Variants in ZNF718 observed in about 807,000 individuals in gnomAD.
The protein encoded by ZNF718 is zinc finger protein 718.
A neutral mutation model predicts 2.6 loss-of-function variants in ZNF718; 3 were observed. That is an observed-to-expected ratio of 1.16 (90% CI 0.53 to 3.01). ZNF718 has a LOEUF of 3.01. Ranked by LOEUF, ZNF718 falls within the 30% of genes most tolerant of loss-of-function variation. The pLI is 0.03. For missense variants in ZNF718, 468 were observed against 230.0 expected (o/e 2.03, Z -6.69); for synonymous variants, 135 against 77.9 (o/e 1.73, Z -3.86).
At chr4:200,214 T>C (rs1302957373) in intron 3 of ZNF718, among the ~76,000 whole-genome samples, 1 of 152,180 alleles carries the variant, frequency 6.6e-6, no homozygotes, top group Non-Finnish European at 1.5e-5. Flanking sequence ...TACAATCGGA[T>C]ACAAAACTGG....
Position 130,837 on chromosome 4 carries a change from G to A in ZNF718, c.53G>A (p.Trp18Ter). The A allele has an allele frequency of 7.7e-6, 3 of 392,112 alleles. 1 individual carries two copies. Among genetic ancestry groups the A allele is most frequent in the Non-Finnish European group, 1.4e-5 (3 of 220,580 alleles). The allele number at this position is 392,112 out of a possible 1,614,324, so 24.3% of individuals were successfully genotyped here. A position where few individuals can be genotyped will look rare whatever the true frequency, so the allele number is the denominator to read the frequency against. The change falls in exon 2 of 4, where the codon TGG becomes TAG. Residue 18 changes from tryptophan (W) to a stop codon, truncating the protein, a stop_gained. Coordinates refer to ENST00000510175, the MANE Select transcript of ZNF718 (RefSeq NM_001039127.6). LOFTEE classifies it high-confidence loss of function. ...DVAIEFSPEE[W>*]KCLDTSQQNL... ...GCCATAGAATTCTCTCCAGAAGAGT[G>A]GAAATGTCTGGACACTTCCCAGCAG...
chr4:138,991 A>G (rs1339823674), intron 3 of ZNF718, among the ~76,000 whole-genome samples: 3 of 152,170 alleles, frequency 2.0e-5, no homozygotes, highest in Non-Finnish European at 4.4e-5. Flanking sequence ...ATTTTATCCT[A>G]TAGAGCTGTT....
At chr4:135,600 C>G (rs1715525537) in intron 3 of ZNF718, among the ~76,000 whole-genome samples, 1 of 151,722 alleles carries the variant, frequency 6.6e-6, no homozygotes, top group African/African-American at 2.4e-5. Context: ...CTAGGCAGTA[C>G]CCAGCTTGAC....
chr4:171,889 C>T (rs138217965), intron 3 of ZNF718, among the ~76,000 whole-genome samples: 100 of 152,296 alleles, frequency 6.6e-4, no homozygotes, highest in African/African-American at 2.2e-3. Flanking sequence ...GAGATGAACC[C>T]GGTACCTCAG....
rs1553819945 is a variant in ZNF718, at chr4:182,400, A to ATT, written c.227-18679_227-18678dup. 2.6e-3 allele frequency among the ~76,000 whole-genome samples: 367 copies of ATT among 139,014 alleles called. 1 individual carries two copies. The highest frequency in any genetic ancestry group is 7.2e-3 in the Middle Eastern group (2 of 278). The allele number at this position is 139,014 out of a possible 152,430, so 91.2% of individuals were successfully genotyped here. A position where few individuals can be genotyped will look rare whatever the true frequency, so the allele number is the denominator to read the frequency against. ...ATATCTCATTGTAGTTTTGATTTTG[A>ATT]TTTATATTTATTTATTTATTTATTT... On this transcript the variant is annotated intron_variant and NMD_transcript_variant, in intron 3 of 4. Transcript: ENST00000642529.
chr4:154,802 A>AT (rs782146347), intron 3 of ZNF718, among the ~76,000 whole-genome samples: 1 of 152,224 alleles, frequency 6.6e-6, no homozygotes, highest in Non-Finnish European at 1.5e-5. Context: ...CACTGCAGAA[A>AT]TTCGCATAAG....
chr4:197,360 T>C (rs1553822203), intron 3 of ZNF718, among the ~76,000 whole-genome samples: 1 of 152,078 alleles, frequency 6.6e-6, no homozygotes, highest in Non-Finnish European at 1.5e-5. Context: ...AAGACAAAGA[T>C]AACACACAAA....
intron 1 of ZNF718, among the ~76,000 whole-genome samples, chr4:126,866 C>T (rs1553808158): frequency 6.7e-6 from 1 of 149,278 alleles, no homozygotes. Flanking sequence ...TTCGCTGTGT[C>T]GCCAGGCTGG....
chr4:133,488 G>T (rs543388021), intron 3 of ZNF718, among the ~76,000 whole-genome samples: 26 of 151,998 alleles, frequency 1.7e-4, no homozygotes, highest in Non-Finnish European at 3.2e-4. Flanking sequence ...GTCTTATTTA[G>T]TAGGAAGCCT....
intron 3 of ZNF718, among the ~76,000 whole-genome samples, chr4:136,021 T>C (rs182961260): frequency 2.2e-4 from 33 of 152,250 alleles, no homozygotes; most frequent in Admixed American, 8.5e-4. Flanking sequence ...CCTTTTGTTC[T>C]GTCCTCCTGC....
intron 3 of ZNF718, among the ~76,000 whole-genome samples, chr4:137,081 C>G (rs1188707381): frequency 6.6e-6 from 1 of 152,146 alleles, no homozygotes; most frequent in Admixed American, 6.5e-5. Flanking sequence ...TGTGGCACCT[C>G]TCCTTTCACT....
chr4:197,101 A>C (rs1231574198), intron 3 of ZNF718, among the ~76,000 whole-genome samples: 5 of 138,686 alleles, frequency 3.6e-5, no homozygotes, highest in African/African-American at 1.3e-4. Context: ...CATGTACTTC[A>C]AGAAAAAAGA....
At chr4:184,817 C>A (rs1262958673) in intron 3 of ZNF718, among the ~76,000 whole-genome samples, 1 of 152,048 alleles carries the variant, frequency 6.6e-6, no homozygotes, top group Non-Finnish European at 1.5e-5. Context: ...TTATAATATT[C>A]TCTGATTGTT....
chr4:140,783 A>G (rs1218421553), intron 3 of ZNF718, among the ~76,000 whole-genome samples: 1 of 152,204 alleles, frequency 6.6e-6, no homozygotes, highest in African/African-American at 2.4e-5. Context: ...TGTTATGTCT[A>G]CCAAATTGGC....
intron 3 of ZNF718, among the ~76,000 whole-genome samples, chr4:156,150 G>T (rs1716558702): frequency 6.6e-6 from 1 of 152,004 alleles, no homozygotes. Context: ...CCCATCTTTG[G>T]GTATGTTTAT....
chr4:156,925 G>C (rs1350836202), intron 3 of ZNF718, among the ~76,000 whole-genome samples: 3 of 152,038 alleles, frequency 2.0e-5, no homozygotes, highest in Non-Finnish European at 2.9e-5. Flanking sequence ...CTCTTCATGT[G>C]ACCATGTATA....
chr4:158,271 G>A (rs1283912223), intron 3 of ZNF718, among the ~76,000 whole-genome samples: 2 of 151,904 alleles, frequency 1.3e-5, no homozygotes, highest in African/African-American at 2.4e-5. Context: ...TAGATTTTAA[G>A]TGACTTGTAG....
At chr4:139,070 G>A (rs564387345) in intron 3 of ZNF718, among the ~76,000 whole-genome samples, 82 of 152,056 alleles carry the variant, frequency 5.4e-4, no homozygotes, top group Non-Finnish European at 9.3e-4. Context: ...CCCATTTTAT[G>A]TGTTGTCTCT....
At chr4:135,900 G>T (rs957780753) in intron 3 of ZNF718, among the ~76,000 whole-genome samples, 44 of 151,970 alleles carry the variant, frequency 2.9e-4, no homozygotes, top group African/African-American at 9.9e-4. Context: ...GCAGATCTTG[G>T]CCTCAGCTGT....
Sources: allele counts gnomAD v4.1 joint callset (sites outside exome capture counted in the v4.1 genomes callset), GRCh38; gene constraint gnomAD v4.1.1; transcripts MANE v1.5; gene names NCBI Gene and HGNC (gene_info 2026-07-23, HGNC 2026-07-21).